The following PDIA4 variants were observed in gnomAD, a reference collection of about 807,000 sequenced individuals.
The protein encoded by PDIA4 is protein disulfide-isomerase A4.
In PDIA4, 33 loss-of-function variants were observed where a neutral mutation model predicts 62.1. That is an observed-to-expected ratio of 0.53 (90% CI 0.40 to 0.71). The LOEUF is 0.71. Ranked by LOEUF, PDIA4 falls within the 30% of genes least tolerant of loss-of-function variation. The pLI is 0.00. For synonymous variants in PDIA4, 341 were observed against 324.1 expected (o/e 1.05, Z -0.56); for missense variants, 804 against 813.6 (o/e 0.99, Z 0.14).
intron 8 of PDIA4, 119 bp from the exon 9 acceptor site, chr7:149,005,493 T>A: frequency 1.5e-6 from 1 of 679,580 alleles, no homozygotes. Context: ...ACCCTGGATT[T>A]ACCTCAATTG....
intron 4 of PDIA4, among the ~76,000 whole-genome samples, chr7:149,012,670 C>T (rs188019404): frequency 9.2e-5 from 14 of 152,284 alleles, no homozygotes; most frequent in African/African-American, 3.4e-4. Flanking sequence ...AGACACTGTC[C>T]TGAGCAAGAG....
chr7:149,022,644 C>A (rs1286308490), intron 1 of PDIA4, among the ~76,000 whole-genome samples: 2 of 152,088 alleles, frequency 1.3e-5, no homozygotes, highest in Admixed American at 1.3e-4. Flanking sequence ...GGTCTGAAAA[C>A]CTGCCCCTGG....
intron 6 of PDIA4, among the ~76,000 whole-genome samples, chr7:149,009,041 C>T (rs1010952162): frequency 8.5e-5 from 13 of 152,190 alleles, no homozygotes; most frequent in African/African-American, 3.1e-4. Flanking sequence ...ATTCTCCTTC[C>T]TGCCTCAGCC....
intron 1 of PDIA4, among the ~76,000 whole-genome samples, chr7:149,022,052 C>A (rs1458928156): frequency 1.3e-5 from 2 of 152,190 alleles, no homozygotes; most frequent in South Asian, 4.1e-4. Flanking sequence ...AAATTATCTG[C>A]CTGGCCCCAA....
intron 3 of PDIA4, among the ~76,000 whole-genome samples, chr7:149,017,804 G>A (rs1824196885): frequency 6.6e-6 from 1 of 152,144 alleles, no homozygotes; most frequent in African/African-American, 2.4e-5. Flanking sequence ...GCCAGGCAGG[G>A]ATCCATCAGG....
At chr7:149,015,075 G>A (rs1306352807) in intron 3 of PDIA4, 33 bp from the exon 4 acceptor site, 2 of 1,611,232 alleles carry the variant, frequency 1.2e-6, no homozygotes, top group South Asian at 2.2e-5. Context: ...GAGCACACAA[G>A]GCCCAAACTG....
At position 149,006,133 on chromosome 7, in the gene PDIA4, G is replaced by C. The variant is rs547891648; in HGVS notation, c.1132-80C>G. ...TGAGTACAATGTTTGAGGGACTTTG[G>C]GGGAGTGGCGACTTTGAAGGGGATC... On this transcript the variant is annotated intron_variant, in intron 7 of 9. Coordinates refer to ENST00000652332, the MANE Select transcript of PDIA4 (RefSeq NM_004911.5). 9 of 1,443,274 alleles carry C rather than the reference G, an allele frequency of 6.2e-6. 1 individual carries two copies. In the South Asian group the frequency reaches 1.3e-4, roughly 21 times the overall value. 89.4% of individuals were successfully genotyped at this position (1,443,274 alleles called of 1,614,324 possible). A position where few individuals can be genotyped will look rare whatever the true frequency, so the allele number is the denominator to read the frequency against.
rs941196796 is a variant in PDIA4, at chr7:149,028,463, GA to G, written c.-56del. 1.3e-5 allele frequency: 16 copies of G among 1,260,136 alleles called. No individual in the cohort carries two copies. The African/African-American group carries it at 2.4e-4, about 19-fold the overall frequency. 78.1% of individuals were successfully genotyped at this position (1,260,136 alleles called of 1,614,324 possible). A position where few individuals can be genotyped will look rare whatever the true frequency, so the allele number is the denominator to read the frequency against. On this transcript the variant is annotated 5_prime_UTR_variant, in exon 1 of 10. Coordinates refer to ENST00000652332, the MANE Select transcript of PDIA4 (RefSeq NM_004911.5). Reference sequence around the variant, plus strand: ...CGTCGGCGGCCGCTGAGCGCACCGAGAACTCGGGGTCTGGCCGACAGCCCGT... The same window carrying G: ...CGTCGGCGGCCGCTGAGCGCACCGAGACTCGGGGTCTGGCCGACAGCCCGT...
intron 3 of PDIA4, among the ~76,000 whole-genome samples, chr7:149,017,733 T>C (rs1824193089): frequency 6.6e-6 from 1 of 152,194 alleles, no homozygotes; most frequent in African/African-American, 2.4e-5. Flanking sequence ...TAAAATTAAA[T>C]AAAAATCAAA....
chr7:149,012,423 T>G (rs971681074), intron 4 of PDIA4, 63 bp from the exon 5 acceptor site: 2 of 1,423,234 alleles, frequency 1.4e-6, no homozygotes, highest in African/African-American at 1.4e-5. Flanking sequence ...TCTAGCTAAA[T>G]GAGCTGCAGA....
At chr7:149,015,492 CAA>C (rs34656815) in intron 3 of PDIA4, among the ~76,000 whole-genome samples, 1,541 of 104,380 alleles carry the variant, frequency 0.015, 13 homozygotes, top group East Asian at 0.074. Flanking sequence ...AAGATGTATG[CAA>C]AAAAAAAAAA....
At chr7:149,026,160 G>C (rs1824547784) in intron 1 of PDIA4, among the ~76,000 whole-genome samples, 1 of 152,124 alleles carries the variant, frequency 6.6e-6, no homozygotes, top group African/African-American at 2.4e-5. Context: ...TAAATCTGTT[G>C]GACAAGTTAT....
At chr7:149,014,797 G>T in intron 4 of PDIA4, 107 bp downstream of exon 4, 1 of 1,018,838 alleles carries the variant, frequency 9.8e-7, no homozygotes, top group Non-Finnish European at 1.5e-6. Flanking sequence ...TACAACTCGT[G>T]CCCACCTTGC....
chr7:149,028,491 G>T lies in PDIA4; in HGVS notation c.-83C>A, dbSNP rs1023520615. 3 of 962,830 alleles carry T rather than the reference G, an allele frequency of 3.1e-6. No individual in the cohort carries two copies. Among genetic ancestry groups the T allele is most frequent in the Non-Finnish European group, 4.4e-6 (3 of 688,228 alleles). The allele number at this position is 962,830 out of a possible 1,614,324, so 59.6% of individuals were successfully genotyped here. A position where few individuals can be genotyped will look rare whatever the true frequency, so the allele number is the denominator to read the frequency against. ...CTCGGGGTCTGGCCGACAGCCCGTC[G>T]CTCCTTAGCGACGCGGGGGAGCCGG... On this transcript the variant is annotated 5_prime_UTR_variant, in exon 1 of 10. Transcript: ENST00000652332.
Position 149,003,930 on chromosome 7 carries a change from G to A in PDIA4, c.1802C>T (p.Pro601Leu). ...PSDRYKVEGF[P>L]TIYFAPSGDK... ...CCCACTGGGGGCGAAGTAGATGGTG[G>A]GGAAGCCCTCCACCTTATAGCGGTC... is the stretch of plus-strand genomic sequence containing the variant. The change falls in exon 10 of 10, where the codon CCC becomes CTC. Residue 601 changes from proline (P) to leucine (L), a missense_variant. Pro to Leu is a moderately conservative substitution (Grantham distance 98). Transcript: ENST00000652332. 6.2e-7 allele frequency: 1 copy of A among 1,613,818 alleles called. No individual in the cohort carries two copies. The highest frequency in any genetic ancestry group is 8.5e-7 in the Non-Finnish European group (1 of 1,179,872).
intron 2 of PDIA4, among the ~76,000 whole-genome samples, chr7:149,020,445 G>A (rs1824303345): frequency 6.6e-6 from 1 of 152,118 alleles, no homozygotes; most frequent in Non-Finnish European, 1.5e-5. Flanking sequence ...GAGCTCTAAC[G>A]GTCTGCACTA....
intron 1 of PDIA4, among the ~76,000 whole-genome samples, chr7:149,021,488 CAAAA>C (rs34989074): frequency 1.5e-5 from 1 of 64,896 alleles, no homozygotes; most frequent in Non-Finnish European, 2.8e-5. Flanking sequence ...CACTTCATCT[CAAAA>C]AAAAAAAAAA....
At chr7:149,007,992 G>T (rs1823819274) in intron 7 of PDIA4, among the ~76,000 whole-genome samples, 167 bp downstream of exon 7, 1 of 152,248 alleles carries the variant, frequency 6.6e-6, no homozygotes, top group Non-Finnish European at 1.5e-5. Flanking sequence ...GAGACCACAG[G>T]CCGCCTGCAG....
chr7:149,007,012 C>T (rs894495314), intron 7 of PDIA4, among the ~76,000 whole-genome samples: 6 of 152,250 alleles, frequency 3.9e-5, no homozygotes, highest in Middle Eastern at 3.4e-3. Flanking sequence ...GGATCAATGG[C>T]CCCCCAAGCT....
Sources: allele counts gnomAD v4.1 joint callset (sites outside exome capture counted in the v4.1 genomes callset), GRCh38; gene constraint gnomAD v4.1.1; transcripts MANE v1.5; gene names NCBI Gene and HGNC (gene_info 2026-07-23, HGNC 2026-07-21).